The following CYYR1 variants were observed in gnomAD, a reference collection of about 807,000 sequenced individuals.
CYYR1 encodes the protein cysteine and tyrosine-rich protein 1.
In CYYR1, 14 loss-of-function variants were observed where a neutral mutation model predicts 15.2. The observed-to-expected ratio is 0.92, with a 90% confidence interval of 0.61 to 1.44. The LOEUF (loss-of-function observed/expected upper bound fraction) is 1.44, where lower values mean the gene tolerates loss of function less well. Ranked by LOEUF, CYYR1 falls within the 40% of genes most tolerant of loss-of-function variation. The pLI is 0.00. For missense variants in CYYR1, 228 were observed against 209.5 expected, an observed-to-expected ratio of 1.09 and a Z score of -0.54; for synonymous variants, 80 against 77.4, an observed-to-expected ratio of 1.03 and a Z score of -0.18.
intron 2 of CYYR1, among the ~76,000 whole-genome samples, chr21:26,531,164 C>T (rs1601798194): frequency 6.6e-6 from 1 of 152,288 alleles, no homozygotes; most frequent in Admixed American, 6.5e-5. Context: ...AATAAAAAGA[C>T]ATGGATCACC....
chr21:26,510,022 G>A (rs2123509441), intron 2 of CYYR1, among the ~76,000 whole-genome samples: 1 of 152,334 alleles, frequency 6.6e-6, no homozygotes, highest in Non-Finnish European at 1.5e-5. Context: ...AGGGCTGGAT[G>A]TAAGATCTCA....
chr21:26,531,804 TA>T (rs1277593502), intron 2 of CYYR1, among the ~76,000 whole-genome samples: 3 of 152,090 alleles, frequency 2.0e-5, no homozygotes, highest in Non-Finnish European at 4.4e-5. Flanking sequence ...AGAGTAAATA[TA>T]AAAACATTTT....
chr21:26,535,003 ATTAT>A (rs1446619548), intron 2 of CYYR1, among the ~76,000 whole-genome samples: 8 of 152,096 alleles, frequency 5.3e-5, no homozygotes, highest in East Asian at 1.9e-4. Flanking sequence ...TTCTTATTTT[ATTAT>A]TTATTTATTT....
chr21:26,482,875 T>G (rs916000681), intron 2 of CYYR1, among the ~76,000 whole-genome samples: 2 of 152,168 alleles, frequency 1.3e-5, no homozygotes, highest in East Asian at 3.9e-4. Context: ...ATTCTAAAAT[T>G]TCATAATGTG....
intron 2 of CYYR1, among the ~76,000 whole-genome samples, chr21:26,547,511 CT>C (rs1569170114): frequency 6.6e-6 from 1 of 152,172 alleles, no homozygotes. Flanking sequence ...TGCTATCCCC[CT>C]AAGATCATCC....
chr21:26,537,105 A>G (rs1311006550), intron 2 of CYYR1, among the ~76,000 whole-genome samples: 2 of 152,182 alleles, frequency 1.3e-5, no homozygotes, highest in African/African-American at 4.8e-5. Flanking sequence ...GAGAGTTGTG[A>G]TTGATGAGCC....
intron 1 of CYYR1, among the ~76,000 whole-genome samples, chr21:26,571,902 A>T (rs1253803994): frequency 6.6e-6 from 1 of 152,360 alleles, no homozygotes; most frequent in South Asian, 2.1e-4. Context: ...CAGGCTAAAA[A>T]TGTCTACAGA....
intron 2 of CYYR1, among the ~76,000 whole-genome samples, chr21:26,564,312 C>A (rs1179391875): frequency 6.6e-6 from 1 of 152,136 alleles, no homozygotes; most frequent in Non-Finnish European, 1.5e-5. Context: ...CCACTGCCAC[C>A]TTTCTTTTTG....
chr21:26,514,521 A>T (rs536472854), intron 2 of CYYR1, among the ~76,000 whole-genome samples: 4 of 152,182 alleles, frequency 2.6e-5, no homozygotes, highest in Non-Finnish European at 5.9e-5. Context: ...TGCTGCTGTC[A>T]TGCTTCTTTT....
At chr21:26,492,215 T>C (rs1463330759) in intron 2 of CYYR1, among the ~76,000 whole-genome samples, 1 of 152,252 alleles carries the variant, frequency 6.6e-6, no homozygotes, top group Non-Finnish European at 1.5e-5. Flanking sequence ...CTGAGTTTTA[T>C]GTCTATCCAT....
chr21:26,498,103 A>C (rs1200917499), intron 2 of CYYR1, among the ~76,000 whole-genome samples: 2 of 152,224 alleles, frequency 1.3e-5, no homozygotes, highest in African/African-American at 2.4e-5. Context: ...ATATTCACTT[A>C]CTACAGATGA....
intron 2 of CYYR1, among the ~76,000 whole-genome samples, chr21:26,559,802 T>C (rs547388714): frequency 1.3e-5 from 2 of 152,354 alleles, no homozygotes; most frequent in African/African-American, 4.8e-5. Flanking sequence ...TCCAAATTCT[T>C]TTGGTTTATC....
intron 2 of CYYR1, chr21:26,482,603 G>A: frequency 4.3e-6 from 3 of 701,782 alleles, no homozygotes; most frequent in Non-Finnish European, 5.3e-6. Context: ...TCGACTCAAA[G>A]GAAAGTAGAT....
intron 2 of CYYR1, among the ~76,000 whole-genome samples, chr21:26,485,707 T>C (rs575929133): frequency 6.6e-6 from 1 of 152,254 alleles, no homozygotes; most frequent in Admixed American, 6.5e-5. Context: ...TAACACACTT[T>C]GTTTAACCAT....
chr21:26,482,541 T>A (rs1433301378), intron 2 of CYYR1: 1 of 983,050 alleles, frequency 1.0e-6, no homozygotes. Flanking sequence ...TTGCTAATTC[T>A]TGGTGAACTG....
intron 2 of CYYR1, among the ~76,000 whole-genome samples, chr21:26,505,965 C>T (rs893615080): frequency 3.3e-5 from 5 of 152,144 alleles, no homozygotes; most frequent in African/African-American, 1.2e-4. Context: ...ATATAATTCA[C>T]AGCAGTACAA....
intron 3 of CYYR1, chr21:26,470,580 C>T (rs2065021824): frequency 6.6e-6 from 1 of 152,372 alleles, no homozygotes; most frequent in African/African-American, 2.4e-5. Context: ...TTCCCCTTCC[C>T]CTTCCGCCAT....
At chr21:26,572,597 A>G (rs552707445) in intron 1 of CYYR1, among the ~76,000 whole-genome samples, 1 of 152,350 alleles carries the variant, frequency 6.6e-6, no homozygotes, top group South Asian at 2.1e-4. Flanking sequence ...CAGAGAGTCA[A>G]ATCCCCTAAA....
intron 2 of CYYR1, among the ~76,000 whole-genome samples, chr21:26,535,486 T>G (rs1364659003): frequency 6.6e-6 from 1 of 152,158 alleles, no homozygotes; most frequent in African/African-American, 2.4e-5. Flanking sequence ...TTTGCTATTA[T>G]AAACAACAGT....
Sources: gnomAD v4.1 joint callset for allele counts (sites outside exome capture counted in the v4.1 genomes callset) on GRCh38, gnomAD v4.1.1 for gene constraint, MANE v1.5 for transcripts, NCBI Gene and HGNC (gene_info 2026-07-23, HGNC 2026-07-21) for gene names.